EML1: variants seen among roughly 807,000 people sequenced by gnomAD.
The protein encoded by EML1 is EMAP like 1, also known as echinoderm microtubule-associated protein-like 1.
A neutral mutation model predicts 110.4 loss-of-function variants in EML1; 27 were observed. That is an observed-to-expected ratio of 0.24 (90% CI 0.18 to 0.34). EML1 has a LOEUF of 0.34. Among genes scored for constraint, EML1 ranks in the 10% least tolerant of loss-of-function variants. EML1 has a pLI of 1.00. For missense variants in EML1, 741 were observed against 1,030.9 expected, an observed-to-expected ratio of 0.72 and a Z score of 3.85; for synonymous variants, 344 against 385.8, an observed-to-expected ratio of 0.89 and a Z score of 1.27.
At chr14:99,859,709 GA>G (rs937246737) in intron 2 of EML1, among the ~76,000 whole-genome samples, 211 of 152,256 alleles carry the variant, frequency 1.4e-3, no homozygotes, top group African/African-American at 4.6e-3. Flanking sequence ...GGTTTTGGGG[GA>G]GAATGTGCCT....
chr14:99,838,636 T>A (rs116274802), intron 1 of EML1, among the ~76,000 whole-genome samples: 85 of 152,272 alleles, frequency 5.6e-4, no homozygotes, highest in African/African-American at 2.0e-3. Context: ...GTAGTTTTTT[T>A]TTTTCTTTCT....
Position 99,923,641 on chromosome 14 carries a change from C to CACTTTTGTCAAAAA in EML1, c.1909+2764_1909+2765insACTTTTGTCAAAAA, listed in dbSNP as rs1566940202. 9.6e-5 allele frequency among the ~76,000 whole-genome samples: 5 copies of CACTTTTGTCAAAAA among 52,196 alleles called. No individual in the cohort carries two copies. In the African/African-American group the frequency reaches 2.2e-3, roughly 23 times the overall value. 34.2% of individuals were successfully genotyped at this position (52,196 alleles called of 152,430 possible). A position where few individuals can be genotyped will look rare whatever the true frequency, so the allele number is the denominator to read the frequency against. On this transcript the variant is annotated intron_variant, in intron 17 of 21. Transcript: ENST00000262233. ...TTATTTCCGGATACTCAGTTCTGCCCCCTTCACCTGTGTTTATCCCCGATT... is the reference window on the plus strand; with the variant it reads ...TTATTTCCGGATACTCAGTTCTGCCCACTTTTGTCAAAAACCTTCACCTGTGTTTATCCCCGATT...
At chr14:99,826,075 T>G (rs2139760170) in intron 1 of EML1, among the ~76,000 whole-genome samples, 1 of 152,170 alleles carries the variant, frequency 6.6e-6, no homozygotes, top group Admixed American at 6.5e-5. Context: ...TTGAAAGTCT[T>G]TAGCATTTAA....
chr14:99,764,553 C>T (rs1395042087), intron 1 of EML1, among the ~76,000 whole-genome samples: 3 of 152,240 alleles, frequency 2.0e-5, no homozygotes, highest in African/African-American at 7.2e-5. Flanking sequence ...CAGCAGCGAG[C>T]TCTGTACATT....
intron 20 of EML1, among the ~76,000 whole-genome samples, chr14:99,938,210 G>A (rs1194027300): frequency 6.6e-6 from 1 of 152,150 alleles, no homozygotes; most frequent in African/African-American, 2.4e-5. Flanking sequence ...ATGGACCTAG[G>A]TGGACCAGAT....
intron 13 of EML1, among the ~76,000 whole-genome samples, chr14:99,913,008 A>G (rs536161422): frequency 3.9e-4 from 60 of 152,262 alleles, no homozygotes; most frequent in Middle Eastern, 3.4e-3. Context: ...TAGTACAAGA[A>G]CTTTGTTTCT....
intron 17 of EML1, among the ~76,000 whole-genome samples, chr14:99,932,129 T>G (rs1486483800): frequency 6.6e-6 from 1 of 152,208 alleles, no homozygotes; most frequent in African/African-American, 2.4e-5. Flanking sequence ...CTGGGCCATC[T>G]TTTCGTGCCT....
At chr14:99,753,614 G>A (rs7161406) in intron 1 of EML1, among the ~76,000 whole-genome samples, 21 of 152,136 alleles carry the variant, frequency 1.4e-4, no homozygotes, top group African/African-American at 5.1e-4. Flanking sequence ...AGCCTCCATC[G>A]CTCGTGAGGT....
At chr14:99,814,220 G>A (rs556252380) in intron 1 of EML1, among the ~76,000 whole-genome samples, 1 of 152,236 alleles carries the variant, frequency 6.6e-6, no homozygotes, top group South Asian at 2.1e-4. Context: ...TCTTAAAAGA[G>A]ACATTGAAAA....
chr14:99,825,513 TC>T (rs2058337535), intron 1 of EML1, among the ~76,000 whole-genome samples: 1 of 152,188 alleles, frequency 6.6e-6, no homozygotes, highest in Non-Finnish European at 1.5e-5. Context: ...GAACTGAGTG[TC>T]CTAACTCGAG....
intron 1 of EML1, among the ~76,000 whole-genome samples, chr14:99,807,825 A>T (rs1278810579): frequency 6.6e-6 from 1 of 152,112 alleles, no homozygotes; most frequent in African/African-American, 2.4e-5. Context: ...GTGTCACCTT[A>T]GTGTTGTCTT....
At chr14:99,826,734 A>G (rs1030722084) in intron 1 of EML1, among the ~76,000 whole-genome samples, 2 of 152,138 alleles carry the variant, frequency 1.3e-5, no homozygotes, top group African/African-American at 4.8e-5. Context: ...AAAACAAAAA[A>G]ACACCTTAGG....
intron 8 of EML1, among the ~76,000 whole-genome samples, chr14:99,900,356 T>C (rs1297195956): frequency 6.6e-6 from 1 of 151,954 alleles, no homozygotes; most frequent in Non-Finnish European, 1.5e-5. Flanking sequence ...CCCGGCTAAT[T>C]TTTTGTATTT....
At chr14:99,840,396 C>T (rs1049747090) in intron 1 of EML1, among the ~76,000 whole-genome samples, 1 of 152,222 alleles carries the variant, frequency 6.6e-6, no homozygotes, top group Admixed American at 6.5e-5. Flanking sequence ...CCTCGGCTGG[C>T]CACATTCTAG....
rs79803536 is a variant in EML1 at position 99,912,880 on chromosome 14, C to T, written c.1495-1299C>T. 3.3e-5 allele frequency among the ~76,000 whole-genome samples: 5 copies of T among 152,304 alleles called. 1 individual carries two copies. The East Asian group carries it at 7.7e-4, about 23-fold the overall frequency. Reference sequence around the variant, plus strand: ...TTAGCATGGGTCATCATCAACTTGACTCAAATCTGTGCTAACATGCCACAC... The same window carrying T: ...TTAGCATGGGTCATCATCAACTTGATTCAAATCTGTGCTAACATGCCACAC... On this transcript the variant is annotated intron_variant, in intron 13 of 21. Coordinates refer to ENST00000262233, the MANE Select transcript of EML1 (RefSeq NM_004434.3).
chr14:99,865,365 A>G (rs929669142), intron 2 of EML1, 149 bp from the exon 3 acceptor site: 1 of 934,814 alleles, frequency 1.1e-6, no homozygotes, highest in Non-Finnish European at 1.6e-6. Flanking sequence ...GCAACCGTAA[A>G]TAGAGATGAA....
At chr14:99,889,366 G>A (rs1280287152) in intron 4 of EML1, among the ~76,000 whole-genome samples, 1 of 152,124 alleles carries the variant, frequency 6.6e-6, no homozygotes, top group Non-Finnish European at 1.5e-5. Context: ...AATTCCACAG[G>A]AGCTCCAGGC....
chr14:99,868,745 TA>T (rs1382472317), intron 3 of EML1, among the ~76,000 whole-genome samples: 1 of 151,980 alleles, frequency 6.6e-6, no homozygotes, highest in Non-Finnish European at 1.5e-5. Flanking sequence ...TGATCTTTTT[TA>T]AAAAAAACAA....
chr14:99,938,302 C>T (rs1000347871), intron 20 of EML1, among the ~76,000 whole-genome samples: 1 of 152,170 alleles, frequency 6.6e-6, no homozygotes, highest in African/African-American at 2.4e-5. Context: ...CTTTCTTCAA[C>T]ATTCACTTTA....
Sources: gnomAD v4.1 joint callset for allele counts (sites outside exome capture counted in the v4.1 genomes callset) on GRCh38, gnomAD v4.1.1 for gene constraint, MANE v1.5 for transcripts, NCBI Gene and HGNC (gene_info 2026-07-23, HGNC 2026-07-21) for gene names.